Variants in SLC24A4 observed in about 807,000 individuals in gnomAD.
SLC24A4 encodes sodium/potassium/calcium exchanger 4.
SLC24A4 carries 53 observed loss-of-function variants against 79.0 expected under a neutral mutation model. The ratio of observed to expected loss-of-function variants is 0.67; its 90% confidence interval spans 0.54 to 0.84. SLC24A4 has a LOEUF of 0.84. Ranked by LOEUF, SLC24A4 falls within the 40% of genes least tolerant of loss-of-function variation. SLC24A4 has a pLI of 0.00. For synonymous variants in SLC24A4, 323 were observed against 323.8 expected (o/e 1.00, Z 0.03); for missense variants, 731 against 822.0 (o/e 0.89, Z 1.35).
rs1478606538 is a variant in SLC24A4, at chr14:92,351,944, G to GA, written c.241+25969dup. On this transcript the variant is annotated intron_variant, in intron 2 of 16. Transcript: ENST00000532405. ...GAAAGGAAAGGAAAGGAAAGGAAAA[G>GA]AAAGGAAGGAGAAAGAGTAAGAGAG... Among the ~76,000 whole-genome samples, 12 of 152,076 alleles carry GA rather than the reference G, an allele frequency of 7.9e-5. No individual in the cohort carries two copies. In the South Asian group the frequency reaches 2.3e-3, roughly 29 times the overall value.
intron 2 of SLC24A4, among the ~76,000 whole-genome samples, chr14:92,329,441 C>T (rs1427460963): frequency 1.3e-5 from 2 of 152,168 alleles, no homozygotes; most frequent in Admixed American, 6.5e-5. Context: ...TTGGTGTTAG[C>T]GTTTTGATCT....
chr14:92,396,668 C>T (rs149665475), intron 2 of SLC24A4, among the ~76,000 whole-genome samples: 1 of 152,288 alleles, frequency 6.6e-6, no homozygotes, highest in Non-Finnish European at 1.5e-5. Context: ...GCATCTGTAG[C>T]CCTATTATCT....
At chr14:92,482,907 TTC>T in intron 13 of SLC24A4, 61 bp downstream of exon 13, 1 of 1,526,896 alleles carries the variant, frequency 6.5e-7, no homozygotes, top group Middle Eastern at 1.8e-4. Flanking sequence ...GAGAGCTGGG[TTC>T]AAGGCTAACC....
At chr14:92,383,702 C>G (rs1215455068) in intron 2 of SLC24A4, among the ~76,000 whole-genome samples, 3 of 152,156 alleles carry the variant, frequency 2.0e-5, no homozygotes, top group Non-Finnish European at 4.4e-5. Flanking sequence ...GCAAGGTGAC[C>G]GGCACCGAAT....
intron 14 of SLC24A4, among the ~76,000 whole-genome samples, chr14:92,489,724 C>G (rs753534456): frequency 3.9e-5 from 6 of 152,158 alleles, no homozygotes; most frequent in Admixed American, 6.5e-5. Flanking sequence ...TCGCACTGCC[C>G]TAGAAGTCCT....
intron 3 of SLC24A4, among the ~76,000 whole-genome samples, chr14:92,439,092 C>A (rs970910538): frequency 6.6e-6 from 1 of 152,212 alleles, no homozygotes; most frequent in African/African-American, 2.4e-5. Flanking sequence ...AGGAATGAGC[C>A]GCAGTGGCCT....
intron 12 of SLC24A4, among the ~76,000 whole-genome samples, chr14:92,474,136 T>C (rs1230856750): frequency 6.6e-6 from 1 of 152,372 alleles, no homozygotes; most frequent in South Asian, 2.1e-4. Context: ...AGGAAATATC[T>C]AACTTCATCA....
intron 2 of SLC24A4, among the ~76,000 whole-genome samples, chr14:92,326,478 A>G (rs1438281836): frequency 6.6e-6 from 1 of 152,056 alleles, no homozygotes; most frequent in Non-Finnish European, 1.5e-5. Flanking sequence ...GCACGGTGTC[A>G]TTCAGCCCTG....
chr14:92,439,289 A>G (rs10140177), intron 3 of SLC24A4, 46 bp from the exon 4 acceptor site: 20,981 of 1,532,898 alleles, frequency 0.014, 329 homozygotes, highest in African/African-American at 0.072. Flanking sequence ...TTGCAGCTGC[A>G]GCAGGGACCC....
intron 2 of SLC24A4, among the ~76,000 whole-genome samples, chr14:92,365,140 T>A (rs1887755145): frequency 6.6e-6 from 1 of 152,242 alleles, no homozygotes; most frequent in Non-Finnish European, 1.5e-5. Flanking sequence ...CAGCTCCCAC[T>A]GCCCGGCTTC....
chr14:92,344,654 A>C (rs922598437), intron 2 of SLC24A4, among the ~76,000 whole-genome samples: 1 of 152,076 alleles, frequency 6.6e-6, no homozygotes, highest in Non-Finnish European at 1.5e-5. Context: ...GCTGTTTAGG[A>C]TGTCCAGGGA....
In SLC24A4 at chr14:92,427,780, A is replaced by G. The variant is rs572326286; in HGVS notation, c.242-6132A>G. 2.0e-5 allele frequency among the ~76,000 whole-genome samples: 3 copies of G among 152,376 alleles called. No individual in the cohort carries two copies. The East Asian group carries it at 5.8e-4, about 29-fold the overall frequency. On this transcript the variant is annotated intron_variant, in intron 2 of 16. Transcript: ENST00000532405. ...CCGAAGGAGCAGCGCTACGGTCTGC[A>G]TGTTTGTATGTCCCCAGCATTACAT... is the stretch of plus-strand genomic sequence containing the variant.
chr14:92,411,525 T>C (rs1001273581), intron 2 of SLC24A4, among the ~76,000 whole-genome samples: 1 of 152,208 alleles, frequency 6.6e-6, no homozygotes. Flanking sequence ...CTATAGTTGG[T>C]GGCCCCAAGA....
chr14:92,421,500 C>T (rs921111394), intron 2 of SLC24A4, among the ~76,000 whole-genome samples: 1 of 151,508 alleles, frequency 6.6e-6, no homozygotes, highest in African/African-American at 2.4e-5. Flanking sequence ...TTTCATACAC[C>T]ACGATTTTTT....
chr14:92,460,805 C>T (rs760702437), intron 12 of SLC24A4, among the ~76,000 whole-genome samples: 1 of 152,206 alleles, frequency 6.6e-6, no homozygotes, highest in Non-Finnish European at 1.5e-5. Context: ...ACAGCCTGCT[C>T]CCTCCTCGCT....
chr14:92,474,843 G>GTATA (rs1555374575), intron 12 of SLC24A4, among the ~76,000 whole-genome samples: 1 of 23,874 alleles, frequency 4.2e-5, no homozygotes, highest in African/African-American at 9.8e-5. Flanking sequence ...GTGTGTGTGT[G>GTATA]TATATATATA....
chr14:92,337,720 A>C (rs1461086482), intron 2 of SLC24A4, among the ~76,000 whole-genome samples: 1 of 152,050 alleles, frequency 6.6e-6, no homozygotes, highest in Non-Finnish European at 1.5e-5. Flanking sequence ...TGTGCATGGG[A>C]GTGCTTGTAC....
Position 92,434,547 on chromosome 14 carries a change from A to G in SLC24A4, c.318+559A>G, listed in dbSNP as rs150976122. On this transcript the variant is annotated intron_variant, in intron 3 of 16. Transcript: ENST00000532405. ...AGTTTTATCTTTTTCTGGGCCAGTG[A>G]TACTCTCTCCTCATGCTGGGCAGTA... Among the ~76,000 whole-genome samples the G allele has an allele frequency of 9.0e-3, 1,373 of 152,238 alleles. 13 individuals are homozygous for G. Among genetic ancestry groups the G allele is most frequent in the Middle Eastern group, 0.024 (7 of 294 alleles).
intron 2 of SLC24A4, among the ~76,000 whole-genome samples, chr14:92,392,112 C>A (rs1475465763): frequency 1.3e-5 from 2 of 151,906 alleles, no homozygotes; most frequent in African/African-American, 4.8e-5. Flanking sequence ...CTTCCCGGGG[C>A]CCTATTGATG....
Sources: allele counts gnomAD v4.1 joint callset (sites outside exome capture counted in the v4.1 genomes callset), GRCh38; gene constraint gnomAD v4.1.1; transcripts MANE v1.5; gene names NCBI Gene and HGNC (gene_info 2026-07-23, HGNC 2026-07-21).